IQSEC1: variants seen among roughly 807,000 people sequenced by gnomAD.
The protein encoded by IQSEC1 is IQ motif and SEC7 domain-containing protein 1.
Under a neutral mutation model 91.0 loss-of-function variants are expected in IQSEC1, and 31 were observed. The observed-to-expected ratio is 0.34, with a 90% CI of 0.26 to 0.46. The LOEUF (loss-of-function observed/expected upper bound fraction) is 0.46. IQSEC1 is among the 20% of genes least tolerant of loss of function. The pLI is 1.00. For missense variants in IQSEC1, 1,388 were observed against 1,575.6 expected (o/e 0.88, Z 2.02); for synonymous variants, 699 against 662.6 (o/e 1.05, Z -0.84).
At chr3:13,243,613 A>G (rs912245226) in intron 1 of IQSEC1, among the ~76,000 whole-genome samples, 1 of 152,220 alleles carries the variant, frequency 6.6e-6, no homozygotes, top group Non-Finnish European at 1.5e-5. Flanking sequence ...GCGCTGGGCC[A>G]GGAGACAGCC....
intron 1 of IQSEC1, among the ~76,000 whole-genome samples, chr3:13,060,155 C>T (rs1474358724): frequency 6.6e-6 from 1 of 152,180 alleles, no homozygotes; most frequent in African/African-American, 2.4e-5. Flanking sequence ...CGCAGAGGAA[C>T]AAGCTGGGGC....
In IQSEC1 at chr3:12,911,697, G is replaced by A. The variant is rs761936280; in HGVS notation, c.2348C>T (p.Ser783Leu). ...VTKIFQKKKN[S>L]VTYSFRQSFS... ...GGACTGTCGGAAGCTGTACGTCACC[G>A]AGTTCTTCTTCTTCTGGAAGATCTT... The change falls in exon 10 of 14, where the codon TCG (serine) becomes TTG (leucine). Residue 783 changes from serine to leucine, a missense_variant. Around this residue, in one of 2 missense-constraint regions of IQSEC1, gnomAD observed 1,059 missense variants for 1,317.8 expected, o/e 0.80. Coordinates refer to ENST00000613206, the MANE Select transcript of IQSEC1 (RefSeq NM_001134382.3). 9.3e-5 allele frequency: 150 copies of A among 1,613,356 alleles called. No homozygotes were observed. Among genetic ancestry groups the A allele is most frequent in the Non-Finnish European group, 1.2e-4 (146 of 1,179,880 alleles).
At chr3:13,166,090 C>A (rs1442525725) in intron 1 of IQSEC1, among the ~76,000 whole-genome samples, 2 of 152,240 alleles carry the variant, frequency 1.3e-5, no homozygotes, top group Non-Finnish European at 2.9e-5. Flanking sequence ...ACAGGAAACT[C>A]CCCTGCCTCT....
intron 3 of IQSEC1, among the ~76,000 whole-genome samples, chr3:12,927,812 G>C (rs1417303773): frequency 6.6e-6 from 1 of 152,276 alleles, no homozygotes; most frequent in East Asian, 1.9e-4. Flanking sequence ...GCAAGGGACA[G>C]AGACTGAGGT....
At chr3:13,040,144 C>G (rs1704198076) in intron 1 of IQSEC1, among the ~76,000 whole-genome samples, 1 of 152,200 alleles carries the variant, frequency 6.6e-6, no homozygotes, top group South Asian at 2.1e-4. Context: ...CATTTATGCA[C>G]CATGTGAGGC....
Position 12,901,103 on chromosome 3 carries a change from G to A in IQSEC1, c.3225C>T (p.Gly1075=), listed in dbSNP as rs1158074082. 1 of 1,539,350 alleles carries A rather than the reference G, an allele frequency of 6.5e-7. No homozygotes were observed. The highest frequency in any genetic ancestry group is 8.7e-7 in the Non-Finnish European group (1 of 1,144,898). The change falls in exon 14 of 14, where the codon GGC becomes GGT. Residue 1075 remains glycine, a synonymous_variant. Transcript: ENST00000613206. ...GHPAYGAHAH[G]HPPLPSAHVG... is the part of the protein sequence containing the mutation. ...CGTGGGCCGAGGGCAGCGGCGGGTG[G>A]CCGTGGGCATGGGCCCCGTAGGCTG...
At chr3:12,966,185 A>G (rs1700553500) in intron 1 of IQSEC1, among the ~76,000 whole-genome samples, 1 of 152,184 alleles carries the variant, frequency 6.6e-6, no homozygotes, top group Admixed American at 6.5e-5. Context: ...CAGCTGCAGC[A>G]TGCCTGGCCT....
chr3:13,249,738 G>A lies in IQSEC1; in HGVS notation c.272+32973C>T, dbSNP rs1695163674. Among the ~76,000 whole-genome samples the A allele has an allele frequency of 3.9e-5, 6 of 152,290 alleles. 1 individual carries two copies. In the South Asian group the frequency reaches 1.2e-3, roughly 32 times the overall value. On this transcript the variant is annotated intron_variant, in intron 1 of 15. Coordinates refer to the IQSEC1 transcript ENST00000648114. ...GGAGCCGGGGTCAAGGGGAGCGTAA[G>A]GTGAGATGGATGGGCACAAGCACAG...
chr3:13,065,676 C>T (rs888057872), intron 1 of IQSEC1, among the ~76,000 whole-genome samples: 3 of 152,170 alleles, frequency 2.0e-5, no homozygotes, highest in East Asian at 1.9e-4. Context: ...AACAGTATGG[C>T]GGCTCTTCAA....
rs570799123 is a variant in IQSEC1, at chr3:13,227,761, G to A, written c.272+54950C>T. On this transcript the variant is annotated intron_variant, in intron 1 of 15. Coordinates refer to the IQSEC1 transcript ENST00000648114. ...GTCATTCACTAGTGGCTGACAGGGG[G>A]TTGTGGAGACAGGCAGCAAAGTGGG... 8.5e-5 allele frequency among the ~76,000 whole-genome samples: 13 copies of A among 152,332 alleles called. No homozygotes were observed. In the South Asian group the frequency reaches 2.1e-3, roughly 24 times the overall value.
At chr3:13,215,520 A>AT (rs1424196296) in intron 1 of IQSEC1, among the ~76,000 whole-genome samples, 4 of 152,194 alleles carry the variant, frequency 2.6e-5, no homozygotes, top group Non-Finnish European at 4.4e-5. Context: ...CACAATTGCA[A>AT]TTAGCCAGAC....
At position 12,909,125 on chromosome 3, in the gene IQSEC1, C is replaced by T. The variant is rs908634239; in HGVS notation, c.2578+148G>A. 4 of 805,916 alleles carry T rather than the reference C, an allele frequency of 5.0e-6. No homozygotes were observed. Among genetic ancestry groups the T allele is most frequent in the South Asian group, 1.7e-5 (1 of 58,894 alleles). The allele number at this position is 805,916 out of a possible 1,614,324, so 49.9% of individuals were successfully genotyped here. On this transcript the variant is annotated intron_variant, in intron 11 of 13. Transcript: ENST00000613206. The surrounding 1 kb of genome is among the most constrained non-coding windows in gnomAD (Gnocchi z 4.9). ...GCCTCCTGCAGCCTGGGAACACAGA[C>T]TGCCCCATCATGTGGCCATAGGGAA...
At chr3:13,023,907 C>A (rs1703505939) in intron 1 of IQSEC1, among the ~76,000 whole-genome samples, 1 of 152,186 alleles carries the variant, frequency 6.6e-6, no homozygotes, top group Non-Finnish European at 1.5e-5. Context: ...GGCTGCCCAG[C>A]CTCTTCTTGA....
chr3:13,116,639 G>A lies in IQSEC1; in HGVS notation c.302+47465C>T, dbSNP rs543416294. Among the ~76,000 whole-genome samples, 291 of 152,194 alleles carry A rather than the reference G, an allele frequency of 1.9e-3. 4 individuals carry two copies. The highest frequency in any genetic ancestry group is 6.7e-3 in the African/African-American group (278 of 41,520). Reference sequence around the variant, plus strand: ...CTCCCGGCCGGGCGCAGTGCCTCACGCCTGTAATCTCAGCACTTCGGGAGG... The same window carrying A: ...CTCCCGGCCGGGCGCAGTGCCTCACACCTGTAATCTCAGCACTTCGGGAGG... On this transcript the variant is annotated intron_variant, in intron 2 of 15. Transcript: ENST00000648114.
chr3:12,966,129 C>A (rs1219634453), intron 1 of IQSEC1, among the ~76,000 whole-genome samples: 1 of 152,128 alleles, frequency 6.6e-6, no homozygotes, highest in Non-Finnish European at 1.5e-5. Context: ...AATAACATGA[C>A]CCCCATGTCC....
intron 2 of IQSEC1, among the ~76,000 whole-genome samples, chr3:13,101,587 C>T (rs1181575492): frequency 1.3e-5 from 2 of 151,932 alleles, no homozygotes; most frequent in Non-Finnish European, 2.9e-5. Flanking sequence ...AGGGAGCTCC[C>T]GGTTTCCACG....
intron 2 of IQSEC1, among the ~76,000 whole-genome samples, chr3:13,130,258 C>T (rs566569872): frequency 1.1e-4 from 16 of 148,738 alleles, no homozygotes; most frequent in Middle Eastern, 3.5e-3. Flanking sequence ...ATAGGAGAAT[C>T]GCTTGAGCCC....
intron 1 of IQSEC1, among the ~76,000 whole-genome samples, chr3:12,984,455 T>C (rs1319653075): frequency 6.6e-6 from 1 of 152,214 alleles, no homozygotes; most frequent in Non-Finnish European, 1.5e-5. Context: ...ACTGCCCTCA[T>C]GCAGTGCACA....
At chr3:13,139,440 C>A (rs1446502878) in intron 2 of IQSEC1, among the ~76,000 whole-genome samples, 1 of 152,240 alleles carries the variant, frequency 6.6e-6, no homozygotes, top group Admixed American at 6.5e-5. Flanking sequence ...TGAAACCACA[C>A]TCCTGGGTGG....
Sources: gnomAD v4.1 joint callset for allele counts (sites outside exome capture counted in the v4.1 genomes callset) on GRCh38, gnomAD v4.1.1 for gene constraint, gnomAD v4.1.1 regional missense constraint, Gnocchi (gnomAD v3.1) non-coding constraint, MANE v1.5 for transcripts, NCBI Gene and HGNC (gene_info 2026-07-23, HGNC 2026-07-21) for gene names.